The following PTK2B variants were observed in gnomAD, a reference collection of about 807,000 sequenced individuals.
The protein encoded by PTK2B is protein-tyrosine kinase 2-beta.
In PTK2B, 71 loss-of-function variants were observed where a neutral mutation model predicts 142.9. The ratio of observed to expected loss-of-function variants is 0.50; its 90% CI spans 0.41 to 0.61. The LOEUF (loss-of-function observed/expected upper bound fraction) is 0.61. PTK2B is among the 20% of genes least tolerant of loss of function. The pLI, the probability that PTK2B is intolerant of heterozygous loss-of-function variation, is 0.00. For missense variants in PTK2B, 1,105 were observed against 1,320.4 expected (o/e 0.84, Z 2.53); for synonymous variants, 519 against 503.4 (o/e 1.03, Z -0.42).
chr8:27,457,842 G>T (rs926264894), intron 30 of PTK2B, among the ~76,000 whole-genome samples: 1 of 152,064 alleles, frequency 6.6e-6, no homozygotes, highest in African/African-American at 2.4e-5. Flanking sequence ...AGGCGTAATT[G>T]CAGGTGCCTG....
intron 1 of PTK2B, among the ~76,000 whole-genome samples, chr8:27,344,788 C>G (rs1316492853): frequency 1.3e-5 from 2 of 152,214 alleles, no homozygotes; most frequent in Admixed American, 1.3e-4. Flanking sequence ...ACACACAACT[C>G]AGCCCCTTCA....
intron 1 of PTK2B, among the ~76,000 whole-genome samples, chr8:27,372,531 C>T (rs1447302705): frequency 1.3e-5 from 2 of 152,118 alleles, no homozygotes; most frequent in African/African-American, 4.8e-5. Context: ...TTAGGGAGGT[C>T]GATCCACTTT....
At chr8:27,327,092 G>A (rs993905385) in intron 1 of PTK2B, among the ~76,000 whole-genome samples, 3 of 152,164 alleles carry the variant, frequency 2.0e-5, no homozygotes, top group Non-Finnish European at 4.4e-5. Flanking sequence ...CAAGAGAAGA[G>A]GGGAAAGAAC....
chr8:27,311,155 G>A, upstream of PTK2B: 1 of 1,607,250 alleles, frequency 6.2e-7, no homozygotes, highest in Non-Finnish European at 8.5e-7. Context: ...CGTCGCGGAA[G>A]GGGTCGTAGC....
intron 1 of PTK2B, among the ~76,000 whole-genome samples, chr8:27,392,999 CT>C (rs1226058747): frequency 5.3e-5 from 8 of 152,198 alleles, no homozygotes; most frequent in Non-Finnish European, 7.4e-5. Context: ...TAATTGTCAT[CT>C]TTATCTTTCG....
chr8:27,310,760 C>T, upstream of PTK2B: 2 of 1,535,678 alleles, frequency 1.3e-6, no homozygotes, highest in South Asian at 1.2e-5. Flanking sequence ...TTCCGGGTTC[C>T]AGACCCGGCT....
At chr8:27,324,333 G>T (rs1803302618), upstream of PTK2B, among the ~76,000 whole-genome samples, 1 of 152,112 alleles carries the variant, frequency 6.6e-6, no homozygotes, top group African/African-American at 2.4e-5. Flanking sequence ...GGGAAGGGGT[G>T]GGGGGGCTCC....
At chr8:27,350,990 AATATATAT>A (rs1161548916) in intron 1 of PTK2B, among the ~76,000 whole-genome samples, 22 of 12,056 alleles carry the variant, frequency 1.8e-3, no homozygotes, top group East Asian at 9.5e-3. Flanking sequence ...AAAAAAAAAA[AATATATAT>A]ATATATATAT....
intron 28 of PTK2B, among the ~76,000 whole-genome samples, chr8:27,453,441 G>A (rs569404671): frequency 3.9e-5 from 6 of 152,152 alleles, no homozygotes; most frequent in Non-Finnish European, 8.8e-5. Context: ...AAGTGGTGTG[G>A]GCTGCTTCCC....
intron 1 of PTK2B, among the ~76,000 whole-genome samples, chr8:27,345,355 G>A (rs1804653621): frequency 6.6e-6 from 1 of 152,220 alleles, no homozygotes; most frequent in South Asian, 2.1e-4. Context: ...CTTCTTAGGA[G>A]GACTTCTGTT....
At chr8:27,452,436 T>TA (rs1284137307) in intron 27 of PTK2B, 1 of 151,902 alleles carries the variant, frequency 6.6e-6, no homozygotes, top group African/African-American at 2.4e-5. Flanking sequence ...GGCCTGGTGA[T>TA]GCATGCCTGC....
At chr8:27,431,086 G>A (rs916936963) in intron 8 of PTK2B, 70 bp downstream of exon 8, 9 of 1,558,880 alleles carry the variant, frequency 5.8e-6, no homozygotes, top group African/African-American at 5.4e-5. Flanking sequence ...GGGCCAGGAG[G>A]GGGCAGGGAG....
chr8:27,364,027 A>ACT lies in PTK2B; in HGVS notation c.-37-33518_-37-33517dup, dbSNP rs558862874. On this transcript the variant is annotated intron_variant, in intron 1 of 30. Transcript: ENST00000346049. The stretch of plus-strand genomic sequence containing the variant: ...TCCCAGGGCCTGGGGCTCTCCACAC[A>ACT]CTCTACATACAAACACCTGGCAAGG... 6.6e-5 allele frequency among the ~76,000 whole-genome samples: 10 copies of ACT among 152,096 alleles called. No individual in the cohort carries two copies. The South Asian group carries it at 2.1e-3, about 32-fold the overall frequency.
At chr8:27,413,749 T>G (rs1261257557) in intron 2 of PTK2B, among the ~76,000 whole-genome samples, 2 of 152,224 alleles carry the variant, frequency 1.3e-5, no homozygotes, top group African/African-American at 4.8e-5. Context: ...TGAGACCATG[T>G]CAATATCCTA....
In PTK2B at chr8:27,442,879, G is replaced by A. The variant is rs142897332; in HGVS notation, c.2044G>A (p.Val682Ile). The A allele has an allele frequency of 4.0e-5, 65 of 1,613,746 alleles. No individual in the cohort carries two copies. Among genetic ancestry groups the A allele is most frequent in the Middle Eastern group, 3.3e-4 (2 of 6,058 alleles). ...ATCTGACGTGACTCCCTGCAGTGAC[G>A]TTTATCAGATGGAGAAGGACATTGC... Reference protein sequence around the residue: ...FTELVCSLSDVYQMEKDIAME... With the variant: ...FTELVCSLSDIYQMEKDIAME... The change falls in exon 22 of 31, where the codon GTT becomes ATT. Residue 682 changes from valine (V) to isoleucine (I), a missense_variant. Transcript: ENST00000346049.
At position 27,458,855 on chromosome 8, in the gene PTK2B, A is replaced by G. The variant is rs142234209; in HGVS notation, c.*346A>G. 9.5e-5 allele frequency: 38 copies of G among 398,898 alleles called. No individual in the cohort carries two copies. Among genetic ancestry groups the G allele is most frequent in the African/African-American group, 7.2e-4 (36 of 49,766 alleles). 24.7% of individuals were successfully genotyped at this position (398,898 alleles called of 1,614,324 possible). ...GGTGCCCCTAGCTTTATATATGGAC[A>G]TGGCAGGCCGATTTGGGAACCAAGC... On this transcript the variant is annotated 3_prime_UTR_variant, in exon 31 of 31. Coordinates refer to ENST00000346049, the MANE Select transcript of PTK2B (RefSeq NM_173176.3).
chr8:27,335,709 G>T (rs1804019781), intron 1 of PTK2B, among the ~76,000 whole-genome samples: 1 of 152,098 alleles, frequency 6.6e-6, no homozygotes, highest in South Asian at 2.1e-4. Context: ...CACAGGAGCT[G>T]CCCTGAGCCT....
At position 27,459,050 on chromosome 8, in the gene PTK2B, C is replaced by G; in HGVS notation, c.*541C>G. On this transcript the variant is annotated 3_prime_UTR_variant, in exon 31 of 31. Transcript: ENST00000346049. Reference sequence around the variant, plus strand: ...ATGTGAGTTTGGTCTGGACTGACAGCATGTGCCCTCCTGAGGGAGGACCTG... The same window carrying G: ...ATGTGAGTTTGGTCTGGACTGACAGGATGTGCCCTCCTGAGGGAGGACCTG... 3.9e-6 allele frequency: 1 copy of G among 253,282 alleles called. No homozygotes were observed. The highest frequency in any genetic ancestry group is 4.7e-5 in the Admixed American group (1 of 21,188). The allele number at this position is 253,282 out of a possible 1,614,324, so 15.7% of individuals were successfully genotyped here. A position where few individuals can be genotyped will look rare whatever the true frequency, so the allele number is the denominator to read the frequency against.
At chr8:27,387,889 C>T (rs1807470753) in intron 1 of PTK2B, among the ~76,000 whole-genome samples, 1 of 150,522 alleles carries the variant, frequency 6.6e-6, no homozygotes, top group Non-Finnish European at 1.5e-5. Flanking sequence ...TTTTGTTAAA[C>T]TTGGCATGAC....
Sources: allele counts gnomAD v4.1 joint callset (sites outside exome capture counted in the v4.1 genomes callset), GRCh38; gene constraint gnomAD v4.1.1; transcripts MANE v1.5; gene names NCBI Gene and HGNC (gene_info 2026-07-23, HGNC 2026-07-21).